FER: variants seen among roughly 807,000 people sequenced by gnomAD.
FER encodes the protein tyrosine-protein kinase Fer.
A neutral mutation model predicts 111.0 loss-of-function variants in FER; 63 were observed. The ratio of observed to expected loss-of-function variants is 0.57; its 90% CI spans 0.46 to 0.70. The LOEUF (loss-of-function observed/expected upper bound fraction) is 0.70, where lower values mean the gene tolerates loss of function less well. FER is among the 30% of genes least tolerant of loss of function. FER has a pLI of 0.00. For missense variants in FER, 914 were observed against 954.0 expected (o/e 0.96, Z 0.55); for synonymous variants, 327 against 313.9 (o/e 1.04, Z -0.44).
intron 5 of FER, among the ~76,000 whole-genome samples, chr5:108,855,399 G>A (rs963643274): frequency 2.0e-5 from 3 of 152,178 alleles, no homozygotes; most frequent in Non-Finnish European, 2.9e-5. Flanking sequence ...TTGGGAGGCC[G>A]AGGCGGGCAG....
At chr5:109,101,145 C>T (rs896693996) in intron 17 of FER, among the ~76,000 whole-genome samples, 2 of 151,726 alleles carry the variant, frequency 1.3e-5, no homozygotes, top group South Asian at 2.1e-4. Context: ...TTGCTTGTAG[C>T]GGGAATTGTT....
At chr5:109,076,435 T>A (rs1776352553) in intron 16 of FER, among the ~76,000 whole-genome samples, 1 of 152,120 alleles carries the variant, frequency 6.6e-6, no homozygotes, top group African/African-American at 2.4e-5. Flanking sequence ...ATTTCTTTTG[T>A]TTTTTGTGTT....
intron 13 of FER, among the ~76,000 whole-genome samples, chr5:108,993,634 T>TGAGGGCGAGGGCGAGGGC (rs772264858): frequency 7.6e-5 from 8 of 105,246 alleles, no homozygotes; most frequent in Non-Finnish European, 1.4e-4. Context: ...AGGGCGAGGG[T>TGAGGGCGAGGGCGAGGGC]GAGGGCGAGG....
chr5:109,000,117 G>A (rs1358610812), intron 13 of FER, among the ~76,000 whole-genome samples: 1 of 151,616 alleles, frequency 6.6e-6, no homozygotes, highest in African/African-American at 2.4e-5. Context: ...ACTGGTTAAT[G>A]TTGACCTTTT....
chr5:108,861,602 A>T (rs1218345624), intron 5 of FER, among the ~76,000 whole-genome samples: 1 of 152,160 alleles, frequency 6.6e-6, no homozygotes, highest in African/African-American at 2.4e-5. Context: ...CAAAACAAAG[A>T]TAGGATACTG....
chr5:108,972,927 G>C (rs978308356), intron 13 of FER, among the ~76,000 whole-genome samples: 1 of 152,064 alleles, frequency 6.6e-6, no homozygotes, highest in Admixed American at 6.6e-5. Context: ...TTTCCATGTA[G>C]TTACAGTGCT....
At chr5:109,102,633 A>G (rs1312817085) in intron 17 of FER, among the ~76,000 whole-genome samples, 1 of 152,106 alleles carries the variant, frequency 6.6e-6, no homozygotes, top group Non-Finnish European at 1.5e-5. Context: ...GCAACAATAT[A>G]ATGTTTTTCT....
chr5:109,074,940 T>G (rs1313686810), intron 16 of FER, among the ~76,000 whole-genome samples: 1 of 152,240 alleles, frequency 6.6e-6, no homozygotes, highest in Non-Finnish European at 1.5e-5. Context: ...ACAATACTAA[T>G]GAATTGGTGA....
At chr5:108,970,447 C>T (rs905762575) in intron 13 of FER, among the ~76,000 whole-genome samples, 9 of 151,928 alleles carry the variant, frequency 5.9e-5, no homozygotes, top group African/African-American at 2.2e-4. Context: ...GTCTTGATCT[C>T]CTGACCTCAT....
intron 13 of FER, among the ~76,000 whole-genome samples, chr5:108,961,213 T>C (rs1759105474): frequency 6.6e-6 from 1 of 152,220 alleles, no homozygotes; most frequent in South Asian, 2.1e-4. Context: ...TAACAAAATA[T>C]ACAAATAGGA....
chr5:108,858,541 C>A (rs575844465), intron 5 of FER, among the ~76,000 whole-genome samples: 1 of 151,880 alleles, frequency 6.6e-6, no homozygotes, highest in Admixed American at 6.6e-5. Context: ...ATTTTATTTT[C>A]CCCCCTCCCT....
At chr5:108,864,752 T>A (rs1172765944) in intron 5 of FER, among the ~76,000 whole-genome samples, 1 of 152,222 alleles carries the variant, frequency 6.6e-6, no homozygotes, top group African/African-American at 2.4e-5. Flanking sequence ...GCTGTTTTGG[T>A]TACAGTAGCC....
chr5:108,812,213 A>G (rs1757837988), intron 3 of FER, among the ~76,000 whole-genome samples: 1 of 152,212 alleles, frequency 6.6e-6, no homozygotes, highest in Non-Finnish European at 1.5e-5. Flanking sequence ...TATTAGATGC[A>G]TAAATGTTTA....
chr5:108,903,158 A>G (rs1448584445), intron 10 of FER, among the ~76,000 whole-genome samples: 2 of 152,180 alleles, frequency 1.3e-5, no homozygotes, highest in Non-Finnish European at 2.9e-5. Context: ...CATAAAATGA[A>G]TTTCTACTTT....
intron 16 of FER, among the ~76,000 whole-genome samples, chr5:109,051,125 CCACCCATCTACCCCATA>C (rs1220308431): frequency 1.3e-5 from 2 of 152,158 alleles, no homozygotes; most frequent in Non-Finnish European, 2.9e-5. Context: ...CCCTCCCTCT[CCACCCATCTACCCCATA>C]CACCCCCAGT....
chr5:109,047,606 AT>A (rs932268111), intron 16 of FER, among the ~76,000 whole-genome samples: 6 of 151,298 alleles, frequency 4.0e-5, no homozygotes, highest in African/African-American at 1.2e-4. Flanking sequence ...TTAATTTTTA[AT>A]TTTTTTTTGT....
At chr5:109,147,282 A>G (rs1425749405) in intron 17 of FER, among the ~76,000 whole-genome samples, 1 of 152,104 alleles carries the variant, frequency 6.6e-6, no homozygotes, top group Non-Finnish European at 1.5e-5. Flanking sequence ...AATGCTATGA[A>G]TCGATGTGAA....
intron 6 of FER, among the ~76,000 whole-genome samples, chr5:108,871,140 A>G (rs565571517): frequency 2.6e-5 from 4 of 152,252 alleles, no homozygotes; most frequent in African/African-American, 7.2e-5. Flanking sequence ...GCCATATTCT[A>G]TATCATTTGT....
chr5:108,938,314 C>G (rs926579561), intron 10 of FER, among the ~76,000 whole-genome samples: 2 of 151,828 alleles, frequency 1.3e-5, no homozygotes, highest in African/African-American at 4.8e-5. Context: ...GAAGAGGTTC[C>G]TACCTTTGTT....
Sources: allele counts gnomAD v4.1 joint callset (sites outside exome capture counted in the v4.1 genomes callset), GRCh38; gene constraint gnomAD v4.1.1; transcripts MANE v1.5; gene names NCBI Gene and HGNC (gene_info 2026-07-23, HGNC 2026-07-21).